The following CRYBG1 variants were observed in gnomAD, a reference collection of about 807,000 sequenced individuals.
The protein encoded by CRYBG1 is beta/gamma crystallin domain-containing protein 1.
In CRYBG1, 139 loss-of-function variants were observed where a neutral mutation model predicts 189.2. The ratio of observed to expected loss-of-function variants is 0.73; its 90% CI spans 0.64 to 0.85. CRYBG1 has a LOEUF of 0.85. Among genes scored for constraint, CRYBG1 ranks in the 40% least tolerant of loss-of-function variants. The pLI is 0.00. For missense variants in CRYBG1, 2,611 were observed against 2,675.8 expected, an observed-to-expected ratio of 0.98 and a Z score of 0.53; for synonymous variants, 1,023 against 1,017.1, an observed-to-expected ratio of 1.01 and a Z score of -0.11.
At chr6:106,517,315 CACATATATATAT>C (rs1773446923) in intron 3 of CRYBG1, among the ~76,000 whole-genome samples, 2 of 136,454 alleles carry the variant, frequency 1.5e-5, no homozygotes, top group African/African-American at 3.0e-5. Flanking sequence ...CACACACACA[CACATATATATAT>C]ACACATATAT....
intron 1 of CRYBG1, among the ~76,000 whole-genome samples, chr6:106,372,000 A>C (rs1376578241): frequency 3.3e-5 from 5 of 152,218 alleles, no homozygotes; most frequent in Admixed American, 2.6e-4. Flanking sequence ...CGATGTCTCC[A>C]TCATCATGTA....
intron 8 of CRYBG1, among the ~76,000 whole-genome samples, chr6:106,538,251 T>C (rs1774050079): frequency 6.6e-6 from 1 of 152,190 alleles, no homozygotes; most frequent in Non-Finnish European, 1.5e-5. Flanking sequence ...GGAACGAAGA[T>C]GTTTACAAGA....
intron 2 of CRYBG1, among the ~76,000 whole-genome samples, chr6:106,475,125 TG>T (rs1436319376): frequency 6.6e-6 from 1 of 152,146 alleles, no homozygotes; most frequent in Non-Finnish European, 1.5e-5. Context: ...AACTTTTAGG[TG>T]TTCAGAATAA....
intron 1 of CRYBG1, among the ~76,000 whole-genome samples, chr6:106,389,149 TC>T (rs952714157): frequency 1.1e-4 from 16 of 152,284 alleles, no homozygotes; most frequent in Admixed American, 3.3e-4. Flanking sequence ...ATTTTGTAAA[TC>T]TTTTTTTTAG....
intron 2 of CRYBG1, among the ~76,000 whole-genome samples, chr6:106,481,656 G>C (rs1285717097): frequency 6.6e-6 from 1 of 152,212 alleles, no homozygotes; most frequent in African/African-American, 2.4e-5. Flanking sequence ...CAGGCTTCCT[G>C]TTGGGGGTCA....
chr6:106,518,353 A>G (rs1035050698), intron 3 of CRYBG1, among the ~76,000 whole-genome samples: 3 of 152,252 alleles, frequency 2.0e-5, no homozygotes, highest in Non-Finnish European at 4.4e-5. Context: ...TCAATAGTAG[A>G]TGAATTTTTA....
At chr6:106,491,746 G>A (rs1366201188) in intron 2 of CRYBG1, among the ~76,000 whole-genome samples, 1 of 152,038 alleles carries the variant, frequency 6.6e-6, no homozygotes, top group Non-Finnish European at 1.5e-5. Flanking sequence ...CCCACCAGGG[G>A]CTGCAATGCT....
chr6:106,538,313 C>T (rs1339827128), intron 8 of CRYBG1, among the ~76,000 whole-genome samples: 1 of 152,092 alleles, frequency 6.6e-6, no homozygotes, highest in Non-Finnish European at 1.5e-5. Context: ...TTCTGGTTTC[C>T]TGATTTCTGG....
intron 2 of CRYBG1, among the ~76,000 whole-genome samples, chr6:106,504,012 C>T (rs1773068394): frequency 8.0e-6 from 1 of 124,816 alleles, no homozygotes; most frequent in Non-Finnish European, 1.6e-5. Context: ...ATTGTTTGGC[C>T]TGAAGTGACA....
intron 3 of CRYBG1, among the ~76,000 whole-genome samples, chr6:106,513,564 T>C (rs1425571595): frequency 1.3e-5 from 2 of 152,228 alleles, no homozygotes; most frequent in African/African-American, 4.8e-5. Context: ...GAAAAGTTCC[T>C]AATACAAGTA....
chr6:106,542,973 A>C (rs1774168234), intron 10 of CRYBG1, among the ~76,000 whole-genome samples: 1 of 115,970 alleles, frequency 8.6e-6, no homozygotes, highest in Non-Finnish European at 1.9e-5. Context: ...AAATATGATT[A>C]GAACATTTTA....
chr6:106,495,419 A>C (rs1772824329), intron 2 of CRYBG1, among the ~76,000 whole-genome samples: 1 of 152,220 alleles, frequency 6.6e-6, no homozygotes, highest in Non-Finnish European at 1.5e-5. Context: ...TATGGTAAGA[A>C]ACTAACTGAA....
chr6:106,563,807 C>T lies in CRYBG1; in HGVS notation c.6182C>T (p.Thr2061Ile). ...CCLTIVGSLV[T>I]SGSKLGLALD... is the part of the protein sequence containing the mutation. Reference sequence around the variant, plus strand: ...CTGACGATTGTGGGCAGCCTGGTAACATCTGGCTCCAAGCTAGGCCTGGCC... The same window carrying T: ...CTGACGATTGTGGGCAGCCTGGTAATATCTGGCTCCAAGCTAGGCCTGGCC... Residue 2061 changes from threonine (T) to isoleucine (I), a missense_variant, in exon 21 of 22, where the codon ACA (threonine) becomes ATA (isoleucine). Physicochemically the swap from Thr to Ile is moderately conservative, Grantham distance 89. This residue lies in a region of CRYBG1 where 1,622 missense variants were observed against 1,735.0 expected (regional missense o/e 0.93). Coordinates refer to ENST00000633556, the MANE Select transcript of CRYBG1 (RefSeq NM_001371242.2). 1 of 1,612,656 alleles carries T rather than the reference C, an allele frequency of 6.2e-7. No homozygotes were observed. The highest frequency in any genetic ancestry group is 8.5e-7 in the Non-Finnish European group (1 of 1,178,706).
chr6:106,431,997 G>A (rs752006744), intron 1 of CRYBG1, among the ~76,000 whole-genome samples: 2 of 152,160 alleles, frequency 1.3e-5, no homozygotes, highest in Non-Finnish European at 2.9e-5. Context: ...GTGCTTGTGG[G>A]TAGGACCCTG....
chr6:106,493,977 A>G (rs976829534), intron 2 of CRYBG1, among the ~76,000 whole-genome samples: 1 of 152,208 alleles, frequency 6.6e-6, no homozygotes, highest in Non-Finnish European at 1.5e-5. Context: ...AAAGGGGAAA[A>G]AAAAGAATAT....
intron 20 of CRYBG1, 93 bp downstream of exon 20, chr6:106,561,593 C>T: frequency 7.2e-7 from 1 of 1,382,874 alleles, no homozygotes; most frequent in Non-Finnish European, 9.9e-7. Flanking sequence ...CAAGTAGATG[C>T]AATTTCACAA....
intron 2 of CRYBG1, among the ~76,000 whole-genome samples, chr6:106,481,887 G>A (rs1194521405): frequency 6.6e-6 from 1 of 152,152 alleles, no homozygotes; most frequent in African/African-American, 2.4e-5. Flanking sequence ...CTACTCATGG[G>A]GGTTCCCCAA....
At chr6:106,474,688 G>A (rs1772300409) in intron 2 of CRYBG1, among the ~76,000 whole-genome samples, 2 of 152,140 alleles carry the variant, frequency 1.3e-5, no homozygotes, top group African/African-American at 4.8e-5. Context: ...GAGGCTGTGT[G>A]CAGGGAATGT....
chr6:106,478,358 G>A (rs1023746116), intron 2 of CRYBG1, among the ~76,000 whole-genome samples: 1 of 152,176 alleles, frequency 6.6e-6, no homozygotes, highest in Admixed American at 6.5e-5. Context: ...TTTGGGCTCA[G>A]ACTGATGACA....
Sources: allele counts gnomAD v4.1 joint callset (sites outside exome capture counted in the v4.1 genomes callset), GRCh38; gene constraint gnomAD v4.1.1; regional missense constraint gnomAD v4.1.1; transcripts MANE v1.5; gene names NCBI Gene and HGNC (gene_info 2026-07-23, HGNC 2026-07-21).